Variants in CLVS1 observed in about 807,000 individuals in gnomAD.
CLVS1 encodes the protein clavesin-1.
In CLVS1, 10 loss-of-function variants were observed where a neutral mutation model predicts 33.1. That is an observed-to-expected ratio of 0.30 (90% CI 0.19 to 0.51). CLVS1 has a LOEUF of 0.51. Ranked by LOEUF, CLVS1 falls within the 20% of genes least tolerant of loss-of-function variation. The pLI is 0.97. For missense variants in CLVS1, 343 were observed against 433.4 expected (o/e 0.79, Z 1.85); for synonymous variants, 163 against 166.1 (o/e 0.98, Z 0.14).
chr8:61,295,110 C>T (rs144086018), intron 1 of CLVS1, among the ~76,000 whole-genome samples: 1 of 152,274 alleles, frequency 6.6e-6, no homozygotes, highest in East Asian at 1.9e-4. Flanking sequence ...AGGAGGTATC[C>T]TCCACCTTGG....
chr8:61,404,430 A>G (rs1814898701), intron 3 of CLVS1, among the ~76,000 whole-genome samples: 1 of 152,160 alleles, frequency 6.6e-6, no homozygotes, highest in African/African-American at 2.4e-5. Context: ...TCTTGATCAT[A>G]TTTTCATTTC....
chr8:61,499,445 C>CTCT lies in CLVS1; in HGVS notation c.978-8_978-6dup. 1 of 1,601,786 alleles carries CTCT rather than the reference C, an allele frequency of 6.2e-7. No homozygotes were observed. The highest frequency in any genetic ancestry group is 1.7e-5 in the Admixed American group (1 of 59,968). On this transcript the variant is annotated splice_polypyrimidine_tract_variant and intron_variant, in intron 5 of 5. Coordinates refer to ENST00000325897, the MANE Select transcript of CLVS1 (RefSeq NM_173519.3). ...TTGTAATTCTGTCTTTTTCCCTCCCCTCTTGTTAGATCTCAGTCTGTGGTA... is the reference window on the plus strand; with the variant it reads ...TTGTAATTCTGTCTTTTTCCCTCCCCTCTTCTTGTTAGATCTCAGTCTGTGGTA...
the CLVS1 span, among the ~76,000 whole-genome samples, chr8:61,035,715 G>A: frequency 6.6e-6 from 1 of 152,146 alleles, no homozygotes; most frequent in Non-Finnish European, 1.5e-5. Flanking sequence ...AAAGAAGAAA[G>A]ACCAGGCAGA....
Position 61,499,504 on chromosome 8 carries a change from G to A in CLVS1, c.1027G>A (p.Glu343Lys), listed in dbSNP as rs773352650. Residue 343 changes from glutamate (E) to lysine (K), a missense_variant, in exon 6 of 6, where the codon GAG becomes AAG. Glu to Lys is a moderately conservative substitution (Grantham distance 56). Around this residue, in one of 4 missense-constraint regions of CLVS1, gnomAD observed 86 missense variants for 95.0 expected, o/e 0.91. Coordinates refer to ENST00000325897, the MANE Select transcript of CLVS1 (RefSeq NM_173519.3). Reference sequence around the variant, plus strand: ...GACCCTGAAACATGAGGAGAAGGGAGAGAATGAGAACACCCAGCCACTCCT... The same window carrying A: ...GACCCTGAAACATGAGGAGAAGGGAAAGAATGAGAACACCCAGCCACTCCT... Reference protein sequence around the residue: ...AGTLKHEEKGENENTQPLLAL... With the variant: ...AGTLKHEEKGKNENTQPLLAL... The A allele has an allele frequency of 4.2e-5, 68 of 1,613,714 alleles. 1 individual carries two copies. In the South Asian group the frequency reaches 4.3e-4, roughly 10 times the overall value.
chr8:61,475,795 G>C (rs1196516726), intron 5 of CLVS1, among the ~76,000 whole-genome samples: 1 of 152,020 alleles, frequency 6.6e-6, no homozygotes, highest in Non-Finnish European at 1.5e-5. Context: ...AAGCTCTTTA[G>C]TTTAATTAGA....
chr8:61,103,813 G>A (rs566622889), intron 1 of CLVS1, among the ~76,000 whole-genome samples: 4 of 152,314 alleles, frequency 2.6e-5, no homozygotes, highest in African/African-American at 9.6e-5. Context: ...TCAGGAAGGG[G>A]TGAACTTTAG....
chr8:61,427,881 G>A (rs73685008), intron 3 of CLVS1, among the ~76,000 whole-genome samples: 3,106 of 152,308 alleles, frequency 0.02, 119 homozygotes, highest in African/African-American at 0.071. Flanking sequence ...GCCTTCCATT[G>A]CAGGCCTCCT....
intron 5 of CLVS1, among the ~76,000 whole-genome samples, chr8:61,476,150 A>G (rs1012746532): frequency 3.9e-5 from 6 of 151,968 alleles, no homozygotes; most frequent in African/African-American, 9.7e-5. Flanking sequence ...TGTTCCATTG[A>G]TCTATATCTC....
rs774874264 is a variant in CLVS1 at position 61,499,511 on chromosome 8, A to C, written c.1034A>C (p.Glu345Ala). The stretch of plus-strand genomic sequence containing the variant: ...AAACATGAGGAGAAGGGAGAGAATG[A>C]GAACACCCAGCCACTCCTGGCTCTG... ...TLKHEEKGEN[E>A]NTQPLLALD The change falls in exon 6 of 6, where the codon GAG becomes GCG. Residue 345 changes from glutamate (E) to alanine (A), a missense_variant. Glu to Ala is a moderately radical substitution (Grantham distance 107, BLOSUM62 -1). Around this residue, in one of 4 missense-constraint regions of CLVS1, gnomAD observed 86 missense variants for 95.0 expected, o/e 0.91. Transcript: ENST00000325897. 6 of 1,613,652 alleles carry C rather than the reference A, an allele frequency of 3.7e-6. No individual in the cohort carries two copies. In the African/African-American group the frequency reaches 8.0e-5, roughly 22 times the overall value.
At chr8:61,309,457 G>A (rs1357536202) in intron 2 of CLVS1, among the ~76,000 whole-genome samples, 1 of 152,098 alleles carries the variant, frequency 6.6e-6, no homozygotes, top group East Asian at 1.9e-4. Flanking sequence ...AACCCCTCAG[G>A]CATTAAATGA....
the CLVS1 span, among the ~76,000 whole-genome samples, chr8:61,026,723 C>T: frequency 3.9e-5 from 6 of 152,194 alleles, no homozygotes; most frequent in Admixed American, 1.3e-4. Context: ...TGTACCTGGA[C>T]ACAAAAAGCA....
At chr8:61,454,892 C>T (rs566664814) in intron 4 of CLVS1, among the ~76,000 whole-genome samples, 20 of 152,218 alleles carry the variant, frequency 1.3e-4, no homozygotes, top group African/African-American at 3.1e-4. Context: ...TTATAAATTG[C>T]GGAATCTAAC....
rs560002082 is a variant in CLVS1 at position 61,365,492 on chromosome 8, A to G, written c.456-11113A>G. 2.6e-5 allele frequency among the ~76,000 whole-genome samples: 4 copies of G among 151,790 alleles called. No homozygotes were observed. In the East Asian group the frequency reaches 7.8e-4, roughly 30 times the overall value. On this transcript the variant is annotated intron_variant, in intron 2 of 5. Transcript: ENST00000325897. The stretch of plus-strand genomic sequence containing the variant: ...CAGTGAGTTGGGATTGCACCACTGC[A>G]CTCCAGCCTAGGTGACAAGAGTGAA...
chr8:61,398,417 T>A (rs1362385546), intron 3 of CLVS1, among the ~76,000 whole-genome samples: 1 of 152,058 alleles, frequency 6.6e-6, no homozygotes, highest in African/African-American at 2.4e-5. Flanking sequence ...CCTGAACTCA[T>A]GTGATCCACC....
chr8:61,423,148 C>T (rs928309576), intron 3 of CLVS1, among the ~76,000 whole-genome samples: 17 of 152,246 alleles, frequency 1.1e-4, no homozygotes, highest in Admixed American at 3.3e-4. Context: ...CCCTTCCTGC[C>T]GAGGTCACTT....
At chr8:61,030,988 T>C in the CLVS1 span, among the ~76,000 whole-genome samples, 1 of 152,186 alleles carries the variant, frequency 6.6e-6, no homozygotes, top group Non-Finnish European at 1.5e-5. Flanking sequence ...CAGTGCAGTG[T>C]TGTTGTGAGG....
chr8:61,035,967 C>G, the CLVS1 span, among the ~76,000 whole-genome samples: 1 of 152,172 alleles, frequency 6.6e-6, no homozygotes, highest in East Asian at 1.9e-4. Flanking sequence ...TGATACTGTT[C>G]AGGCACAGCC....
intron 1 of CLVS1, among the ~76,000 whole-genome samples, chr8:61,129,717 T>A (rs1806051590): frequency 6.6e-6 from 1 of 152,166 alleles, no homozygotes; most frequent in Non-Finnish European, 1.5e-5. Context: ...ATGAGGGCAC[T>A]AATCCCATCA....
chr8:61,376,885 T>C, intron 3 of CLVS1, 106 bp downstream of exon 3: 1 of 1,033,172 alleles, frequency 9.7e-7, no homozygotes. Flanking sequence ...AAAAGGAAAC[T>C]TGGATTAAAT....
Sources: allele counts gnomAD v4.1 joint callset (sites outside exome capture counted in the v4.1 genomes callset), GRCh38; gene constraint gnomAD v4.1.1; regional missense constraint gnomAD v4.1.1; transcripts MANE v1.5; gene names NCBI Gene and HGNC (gene_info 2026-07-23, HGNC 2026-07-21).